SPAG16: variants seen among roughly 807,000 people sequenced by gnomAD.
SPAG16 encodes sperm associated antigen 16, also known as sperm-associated antigen 16 protein.
SPAG16 carries 86 observed loss-of-function variants against 80.4 expected under a neutral mutation model. The ratio of observed to expected loss-of-function variants is 1.07; its 90% CI spans 0.90 to 1.28. SPAG16 has a LOEUF of 1.28. SPAG16 is among the 50% of genes most tolerant of loss of function. The pLI is 0.00. For missense variants in SPAG16, 870 were observed against 765.3 expected (o/e 1.14, Z -1.61); for synonymous variants, 294 against 265.9 (o/e 1.11, Z -1.03).
At chr2:214,282,201 C>T (rs9288493) in intron 15 of SPAG16, among the ~76,000 whole-genome samples, 48,750 of 151,746 alleles carry the variant, frequency 0.32, 8,014 homozygotes, top group East Asian at 0.5. Context: ...GAATAAAGCA[C>T]GTTTTAAAAC....
At chr2:213,904,373 G>A (rs1325122877) in intron 11 of SPAG16, among the ~76,000 whole-genome samples, 1 of 152,094 alleles carries the variant, frequency 6.6e-6, no homozygotes, top group Non-Finnish European at 1.5e-5. Flanking sequence ...GTGGCAGCAA[G>A]AGAAAATGAG....
At chr2:214,273,262 A>G (rs1692176799) in intron 15 of SPAG16, among the ~76,000 whole-genome samples, 1 of 152,074 alleles carries the variant, frequency 6.6e-6, no homozygotes, top group Non-Finnish European at 1.5e-5. Context: ...CTCTAATGGT[A>G]GTTTCTTTTG....
chr2:213,724,077 G>T lies in SPAG16; in HGVS notation c.1071-138408G>T, dbSNP rs116297893. On this transcript the variant is annotated intron_variant, in intron 10 of 15. Transcript: ENST00000331683. ...CCACAGACTGGAATAGGGAAGTGTA[G>T]GAGTGAAAACAGACATAGGTCTGCT... Among the ~76,000 whole-genome samples, 245 of 152,292 alleles carry T rather than the reference G, an allele frequency of 1.6e-3. 2 individuals are homozygous for T. The highest frequency in any genetic ancestry group is 5.7e-3 in the African/African-American group (235 of 41,558).
intron 15 of SPAG16, among the ~76,000 whole-genome samples, chr2:214,329,080 T>C (rs890996542): frequency 1.3e-5 from 2 of 152,206 alleles, no homozygotes; most frequent in African/African-American, 4.8e-5. Flanking sequence ...AAAAGAACAA[T>C]AGCCAATCTG....
At chr2:213,809,444 T>C (rs2071984466) in intron 10 of SPAG16, among the ~76,000 whole-genome samples, 2 of 152,162 alleles carry the variant, frequency 1.3e-5, no homozygotes, top group South Asian at 4.1e-4. Flanking sequence ...AGGTCATTTT[T>C]AGATATTTCT....
intron 15 of SPAG16, among the ~76,000 whole-genome samples, chr2:214,263,823 C>G (rs1344836649): frequency 6.6e-6 from 1 of 152,112 alleles, no homozygotes; most frequent in Non-Finnish European, 1.5e-5. Flanking sequence ...AGCAATAACA[C>G]AGATATTTGT....
At chr2:213,788,881 AATT>A (rs1484103952) in intron 10 of SPAG16, among the ~76,000 whole-genome samples, 1 of 146,618 alleles carries the variant, frequency 6.8e-6, no homozygotes, top group African/African-American at 2.5e-5. Flanking sequence ...GTGATTCTCA[AATT>A]ATTGTGCAAT....
intron 13 of SPAG16, among the ~76,000 whole-genome samples, chr2:214,070,251 A>G (rs1553708804): frequency 6.6e-6 from 1 of 151,814 alleles, no homozygotes; most frequent in Non-Finnish European, 1.5e-5. Flanking sequence ...TACTTTCCCT[A>G]ATGTTTTATT....
chr2:213,607,399 A>G (rs1206490860), intron 10 of SPAG16, among the ~76,000 whole-genome samples: 5 of 152,208 alleles, frequency 3.3e-5, no homozygotes, highest in African/African-American at 7.2e-5. Context: ...GTGTGAATTA[A>G]CTTTCTAGAT....
intron 15 of SPAG16, among the ~76,000 whole-genome samples, chr2:214,343,961 C>A (rs187343103): frequency 6.6e-6 from 1 of 152,246 alleles, no homozygotes; most frequent in Non-Finnish European, 1.5e-5. Context: ...CAACCATATG[C>A]GAATGGACTT....
At position 213,951,023 on chromosome 2, in the gene SPAG16, T is replaced by TG. The variant is rs1364570183; in HGVS notation, c.1400+20878_1400+20879insG. Among the ~76,000 whole-genome samples, 781 of 150,746 alleles carry TG rather than the reference T, an allele frequency of 5.2e-3. 5 individuals are homozygous for TG. The highest frequency in any genetic ancestry group is 0.018 in the African/African-American group (747 of 41,300). On this transcript the variant is annotated intron_variant, in intron 12 of 15. Coordinates refer to ENST00000331683, the MANE Select transcript of SPAG16 (RefSeq NM_024532.5). ...CACCACGCCTAGCCTGACATAGTTT[T>TG]TTTTTTTTTAATAATACATTTAGCA... is the stretch of plus-strand genomic sequence containing the variant.
rs1333657045 is a variant in SPAG16 at position 213,814,202 on chromosome 2, C to G, written c.1071-48283C>G. Among the ~76,000 whole-genome samples the G allele has an allele frequency of 7.9e-5, 12 of 152,180 alleles. 1 individual carries two copies. The highest frequency in any genetic ancestry group is 7.9e-4 in the Admixed American group (12 of 15,276). ...GTACAAAATCTGCAGGCTGGAAACA[C>G]AGGCATGGTTTCTAATTCTGCAGTG... is the stretch of plus-strand genomic sequence containing the variant. On this transcript the variant is annotated intron_variant, in intron 10 of 15. Transcript: ENST00000331683.
At chr2:213,707,285 T>C (rs1184384735) in intron 10 of SPAG16, among the ~76,000 whole-genome samples, 1 of 152,212 alleles carries the variant, frequency 6.6e-6, no homozygotes, top group Admixed American at 6.5e-5. Context: ...CCCTCATGAA[T>C]CATGTTCAAG....
At chr2:213,951,542 A>G (rs576786711) in intron 12 of SPAG16, among the ~76,000 whole-genome samples, 1 of 152,308 alleles carries the variant, frequency 6.6e-6, no homozygotes, top group East Asian at 1.9e-4. Context: ...AAGAGAAAAT[A>G]TGAATAAGAG....
intron 9 of SPAG16, among the ~76,000 whole-genome samples, chr2:213,381,769 T>C (rs2067185021): frequency 6.6e-6 from 1 of 152,228 alleles, no homozygotes; most frequent in Non-Finnish European, 1.5e-5. Context: ...TTAGATCTTA[T>C]CTCAGAATTT....
intron 10 of SPAG16, among the ~76,000 whole-genome samples, chr2:213,739,881 C>T (rs1360551275): frequency 1.3e-5 from 2 of 152,124 alleles, no homozygotes; most frequent in Non-Finnish European, 2.9e-5. Flanking sequence ...GGACCAAAAG[C>T]GTGAGCCACT....
At chr2:213,980,224 T>C (rs1199638286) in intron 12 of SPAG16, among the ~76,000 whole-genome samples, 2 of 126,854 alleles carry the variant, frequency 1.6e-5, no homozygotes, top group Non-Finnish European at 3.1e-5. Context: ...TATATGTGTG[T>C]ATATATATTC....
intron 11 of SPAG16, among the ~76,000 whole-genome samples, chr2:213,929,105 C>T (rs1018640939): frequency 7.1e-6 from 1 of 140,732 alleles, no homozygotes; most frequent in Non-Finnish European, 1.5e-5. Flanking sequence ...CCTCTGTCCC[C>T]GGGGTTCAAG....
chr2:214,139,962 T>C (rs2055264408), intron 14 of SPAG16, among the ~76,000 whole-genome samples: 1 of 152,208 alleles, frequency 6.6e-6, no homozygotes. Flanking sequence ...CTATGACTTA[T>C]AAGGCTCTAC....
Sources: gnomAD v4.1 joint callset for allele counts (sites outside exome capture counted in the v4.1 genomes callset) on GRCh38, gnomAD v4.1.1 for gene constraint, MANE v1.5 for transcripts, NCBI Gene and HGNC (gene_info 2026-07-23, HGNC 2026-07-21) for gene names.